Variants in DGKH observed in about 807,000 individuals in gnomAD.
DGKH encodes DAG kinase eta.
DGKH carries 90 observed loss-of-function variants against 159.3 expected under a neutral mutation model. The ratio of observed to expected loss-of-function variants is 0.57; its 90% CI spans 0.48 to 0.67. DGKH has a LOEUF of 0.67. Ranked by LOEUF, DGKH falls within the 30% of genes least tolerant of loss-of-function variation. The pLI is 0.00. For synonymous variants in DGKH, 536 were observed against 553.8 expected (o/e 0.97, Z 0.45); for missense variants, 1,181 against 1,506.1 (o/e 0.78, Z 3.57).
rs369449261 is a variant in DGKH at position 42,182,445 on chromosome 13, A to G, written c.1538+4225A>G. Among the ~76,000 whole-genome samples, 5 of 149,036 alleles carry G rather than the reference A, an allele frequency of 3.4e-5. No individual in the cohort carries two copies. In the East Asian group the frequency reaches 9.7e-4, roughly 29 times the overall value. ...GATTGGCTCCAGGACCCCCTTGGAT[A>G]CCAATATTCATAGGTACTCAAGTCC... On this transcript the variant is annotated intron_variant, in intron 13 of 29. Transcript: ENST00000337343.
chr13:42,220,252 C>T (rs347383), intron 28 of DGKH, among the ~76,000 whole-genome samples: 123,382 of 152,158 alleles, frequency 0.81, 50,357 homozygotes, highest in East Asian at 0.91. Context: ...TTGCCGATTA[C>T]ATTTTCCACC....
At chr13:42,215,274 T>C (rs1214350132) in intron 25 of DGKH, among the ~76,000 whole-genome samples, 1 of 152,062 alleles carries the variant, frequency 6.6e-6, no homozygotes, top group Non-Finnish European at 1.5e-5. Context: ...GTAAAAGTTT[T>C]TTTTGACTTA....
intron 12 of DGKH, among the ~76,000 whole-genome samples, chr13:42,174,834 GT>G (rs1275721865): frequency 6.6e-6 from 1 of 152,126 alleles, no homozygotes. Context: ...GCCTCCCAAA[GT>G]GCTGGGATTA....
At chr13:42,056,325 G>A (rs892067676) in intron 1 of DGKH, among the ~76,000 whole-genome samples, 3 of 151,946 alleles carry the variant, frequency 2.0e-5, no homozygotes, top group African/African-American at 7.3e-5. Context: ...ATATGAGGAA[G>A]TACGGTTAAC....
chr13:42,131,449 A>G (rs1955288728), intron 3 of DGKH, among the ~76,000 whole-genome samples: 1 of 152,236 alleles, frequency 6.6e-6, no homozygotes, highest in Non-Finnish European at 1.5e-5. Flanking sequence ...GGAGACAGAA[A>G]GCTTACAGAG....
At chr13:42,055,649 T>A (rs538923358) in intron 1 of DGKH, among the ~76,000 whole-genome samples, 18 of 152,302 alleles carry the variant, frequency 1.2e-4, no homozygotes, top group African/African-American at 4.3e-4. Flanking sequence ...GTACAGTGTT[T>A]TTCACTCATA....
At chr13:42,066,637 T>C (rs1314453135) in intron 1 of DGKH, 5 of 152,236 alleles carry the variant, frequency 3.3e-5, no homozygotes, top group Non-Finnish European at 7.3e-5. Context: ...AGTTGCCCAA[T>C]GTGCACATTC....
chr13:42,076,172 ACAC>A (rs1954095771), intron 1 of DGKH, among the ~76,000 whole-genome samples: 1 of 152,214 alleles, frequency 6.6e-6, no homozygotes, highest in African/African-American at 2.4e-5. Flanking sequence ...AGGCACCAAG[ACAC>A]CAACTTAAGT....
chr13:42,134,356 T>C (rs1489095156), intron 3 of DGKH, among the ~76,000 whole-genome samples: 1 of 152,220 alleles, frequency 6.6e-6, no homozygotes, highest in Admixed American at 6.5e-5. Flanking sequence ...ACAGTAAGAT[T>C]ACTCTTCCTT....
In DGKH at chr13:42,159,263, T is replaced by TTTTTTTTTTTTTGTTTTTAA; in HGVS notation, c.623-3_623-2insTTTTTTTTTTTTGTTTTTAA. 1.6e-6 allele frequency: 2 copies of TTTTTTTTTTTTTGTTTTTAA among 1,249,718 alleles called. No homozygotes were observed. The highest frequency in any genetic ancestry group is 2.2e-6 in the Non-Finnish European group (2 of 894,572). The allele number at this position is 1,249,718 out of a possible 1,614,324, so 77.4% of individuals were successfully genotyped here. On this transcript the variant is annotated splice_polypyrimidine_tract_variant and splice_region_variant and intron_variant, in intron 5 of 29. Transcript: ENST00000337343. ...GTTGCTCTTTTTTTTTTTTTTTTTT[T>TTTTTTTTTTTTTGTTTTTAA]AGTGTGTAAATTCAAGGCTCACAAA...
At chr13:42,136,796 T>G (rs546806291) in intron 3 of DGKH, among the ~76,000 whole-genome samples, 1 of 152,326 alleles carries the variant, frequency 6.6e-6, no homozygotes, top group South Asian at 2.1e-4. Context: ...ACACTTATAT[T>G]TAGAACTAAA....
chr13:42,118,237 C>A (rs1472922127), intron 1 of DGKH, among the ~76,000 whole-genome samples: 2 of 152,094 alleles, frequency 1.3e-5, no homozygotes, highest in African/African-American at 4.8e-5. Flanking sequence ...GCATTTCCAG[C>A]CTGTGTTTCT....
intron 1 of DGKH, among the ~76,000 whole-genome samples, chr13:42,104,401 C>T (rs1424304595): frequency 3.3e-5 from 5 of 152,220 alleles, no homozygotes; most frequent in African/African-American, 2.4e-5. Flanking sequence ...AAGTGGCACC[C>T]GTGACCATTG....
chr13:42,194,983 C>T lies in DGKH; in HGVS notation c.2134C>T (p.Leu712Phe). Residue 712 changes from leucine to phenylalanine, a missense_variant, in exon 17 of 30, where the codon CTC becomes TTC. Coordinates refer to ENST00000337343, the MANE Select transcript of DGKH (RefSeq NM_178009.5). ...GPAVAASKENLPVLNTRIICP... is the reference protein window; with the variant it reads ...GPAVAASKENFPVLNTRIICP... Reference sequence around the variant, plus strand: ...AGCTGTGGCAGCCAGCAAAGAAAACCTCCCTGTGCTCAATACCAGAATAAT... The same window carrying T: ...AGCTGTGGCAGCCAGCAAAGAAAACTTCCCTGTGCTCAATACCAGAATAAT... 6.2e-7 allele frequency: 1 copy of T among 1,614,028 alleles called. No individual in the cohort carries two copies. The highest frequency in any genetic ancestry group is 8.5e-7 in the Non-Finnish European group (1 of 1,179,926).
intron 1 of DGKH, among the ~76,000 whole-genome samples, chr13:42,060,245 T>G (rs1284428430): frequency 6.6e-6 from 1 of 152,230 alleles, no homozygotes; most frequent in Non-Finnish European, 1.5e-5. Context: ...CACTGCCTCT[T>G]AGCCTCTATC....
chr13:42,084,278 A>T (rs1954263021), intron 1 of DGKH, among the ~76,000 whole-genome samples: 1 of 152,098 alleles, frequency 6.6e-6, no homozygotes, highest in Non-Finnish European at 1.5e-5. Flanking sequence ...ATGTTTATTC[A>T]CAGGTATCTC....
At chr13:42,224,013 C>T (rs1958055166) in intron 29 of DGKH, among the ~76,000 whole-genome samples, 1 of 152,204 alleles carries the variant, frequency 6.6e-6, no homozygotes, top group Admixed American at 6.5e-5. Flanking sequence ...CCCGTGTCTT[C>T]TTGTTTCATT....
At chr13:42,094,870 T>C (rs574858900) in intron 1 of DGKH, among the ~76,000 whole-genome samples, 2 of 152,292 alleles carry the variant, frequency 1.3e-5, no homozygotes, top group South Asian at 2.1e-4. Context: ...TTTTTAGCAA[T>C]TGTGTTTGAA....
chr13:42,187,258 T>C, intron 14 of DGKH, 110 bp downstream of exon 14: 1 of 870,716 alleles, frequency 1.1e-6, no homozygotes, highest in South Asian at 1.7e-5. Flanking sequence ...ACATCTTAAA[T>C]CGAGAGAAAA....
Sources: gnomAD v4.1 joint callset for allele counts (sites outside exome capture counted in the v4.1 genomes callset) on GRCh38, gnomAD v4.1.1 for gene constraint, MANE v1.5 for transcripts, NCBI Gene and HGNC (gene_info 2026-07-23, HGNC 2026-07-21) for gene names.